The following ANKRD44 variants were observed in gnomAD, a reference collection of about 807,000 sequenced individuals.
ANKRD44 encodes the protein ankyrin repeat domain 44, also known as serine/threonine-protein phosphatase 6 regulatory ankyrin repeat subunit B.
A neutral mutation model predicts 116.0 loss-of-function variants in ANKRD44; 35 were observed. That is an observed-to-expected ratio of 0.30 (90% CI 0.23 to 0.40). The LOEUF (loss-of-function observed/expected upper bound fraction) is 0.40. Among genes scored for constraint, ANKRD44 ranks in the 10% least tolerant of loss-of-function variants. ANKRD44 has a pLI of 1.00. For missense variants in ANKRD44, 1,014 were observed against 1,242.6 expected (o/e 0.82, Z 2.77); for synonymous variants, 435 against 461.8 (o/e 0.94, Z 0.74).
At position 196,988,844 on chromosome 2, in the gene ANKRD44, G is replaced by A. The variant is rs917575804; in HGVS notation, c.*747C>T. The A allele has an allele frequency of 4.1e-6, 4 of 985,410 alleles. No individual in the cohort carries two copies. Among genetic ancestry groups the A allele is most frequent in the Non-Finnish European group, 4.8e-6 (4 of 829,924 alleles). The allele number at this position is 985,410 out of a possible 1,614,324, so 61.0% of individuals were successfully genotyped here. A position where few individuals can be genotyped will look rare whatever the true frequency, so the allele number is the denominator to read the frequency against. On this transcript the variant is annotated 3_prime_UTR_variant, in exon 28 of 28. Transcript: ENST00000282272. ...CCATCATTTCTCATCAGGTTACTGAGACTATGTGAGCTTTTCAGTGTACTT... is the reference window on the plus strand; with the variant it reads ...CCATCATTTCTCATCAGGTTACTGAAACTATGTGAGCTTTTCAGTGTACTT...
At chr2:197,057,082 A>C (rs1559026932) in intron 16 of ANKRD44, among the ~76,000 whole-genome samples, 1 of 152,212 alleles carries the variant, frequency 6.6e-6, no homozygotes, top group South Asian at 2.1e-4. Context: ...TGTTCCTACT[A>C]TAAGGAAAAA....
At chr2:196,990,571 T>C (rs900928045) in intron 27 of ANKRD44, 2 of 1,230,364 alleles carry the variant, frequency 1.6e-6, no homozygotes, top group African/African-American at 1.6e-5. Context: ...TACTAGCTTC[T>C]GGAAGCCCAG....
Position 197,081,745 on chromosome 2 carries a change from GA to G in ANKRD44, c.1458-21del, listed in dbSNP as rs553836103. ...GTCTTACTTCTCAGCATAAAGGATA[GA>G]AAAAAAAATTGCAATTAATTTTTTA... On this transcript the variant is annotated intron_variant, in intron 14 of 27. Coordinates refer to ENST00000282272, the MANE Select transcript of ANKRD44 (RefSeq NM_001195144.2). The G allele has an allele frequency of 1.5e-4, 229 of 1,574,532 alleles. No individual in the cohort carries two copies. The highest frequency in any genetic ancestry group is 8.7e-4 in the Admixed American group (48 of 54,940).
chr2:197,152,189 A>G (rs1037513140), intron 2 of ANKRD44, among the ~76,000 whole-genome samples: 2 of 152,206 alleles, frequency 1.3e-5, no homozygotes, highest in African/African-American at 4.8e-5. Context: ...AGCTAAGTGC[A>G]TTATTTGCAT....
intron 16 of ANKRD44, among the ~76,000 whole-genome samples, chr2:197,038,210 G>A (rs550781085): frequency 6.6e-6 from 1 of 152,266 alleles, no homozygotes; most frequent in Non-Finnish European, 1.5e-5. Context: ...TGTACCCTCT[G>A]GTGGAGGATG....
At chr2:197,086,511 G>C (rs2077927584) in intron 13 of ANKRD44, among the ~76,000 whole-genome samples, 169 bp downstream of exon 13, 1 of 152,046 alleles carries the variant, frequency 6.6e-6, no homozygotes, top group African/African-American at 2.4e-5. Context: ...TTTGTGACTT[G>C]TTATTTGCTT....
chr2:197,224,495 C>G (rs2081655818), intron 1 of ANKRD44, among the ~76,000 whole-genome samples: 1 of 152,096 alleles, frequency 6.6e-6, no homozygotes, highest in African/African-American at 2.4e-5. Flanking sequence ...TAAGATTGTC[C>G]TTGTGTATTT....
At chr2:197,157,674 T>G (rs1365083897) in intron 2 of ANKRD44, among the ~76,000 whole-genome samples, 1 of 21,540 alleles carries the variant, frequency 4.6e-5, no homozygotes, top group Non-Finnish European at 1.2e-4. Flanking sequence ...TGAGACTCTG[T>G]CAAAAAAAAA....
chr2:197,088,950 G>GC, intron 11 of ANKRD44, 176 bp from the exon 12 acceptor site: 1 of 508,792 alleles, frequency 2.0e-6, no homozygotes. Context: ...CTCAAGCTTG[G>GC]CAATTTTATA....
At chr2:197,121,064 G>C (rs759817406) in intron 8 of ANKRD44, among the ~76,000 whole-genome samples, 5 of 151,792 alleles carry the variant, frequency 3.3e-5, no homozygotes, top group Non-Finnish European at 5.9e-5. Context: ...GAGTAGCTGA[G>C]ATTGCAGGCA....
chr2:197,025,566 T>C (rs746285792), intron 16 of ANKRD44, among the ~76,000 whole-genome samples: 5 of 152,124 alleles, frequency 3.3e-5, no homozygotes, highest in Non-Finnish European at 5.9e-5. Flanking sequence ...TTACTGCAGA[T>C]AGTGTGGATA....
chr2:197,283,060 C>CATAGGAAT (rs1450569171), intron 1 of ANKRD44, among the ~76,000 whole-genome samples: 1 of 152,166 alleles, frequency 6.6e-6, no homozygotes. Context: ...AAGAGAACAT[C>CATAGGAAT]ATAGGAATGC....
intron 1 of ANKRD44, among the ~76,000 whole-genome samples, chr2:197,209,847 G>A (rs2081287216): frequency 6.6e-6 from 1 of 152,202 alleles, no homozygotes; most frequent in African/African-American, 2.4e-5. Flanking sequence ...TGTGAGTCAG[G>A]GGAGCAAAGA....
intron 1 of ANKRD44, among the ~76,000 whole-genome samples, chr2:197,298,467 A>G (rs1048613974): frequency 6.6e-6 from 1 of 152,218 alleles, no homozygotes; most frequent in Non-Finnish European, 1.5e-5. Context: ...CAGAAAAATC[A>G]TGTGCTTTTA....
At chr2:197,110,369 A>G (rs1424973195) in intron 9 of ANKRD44, among the ~76,000 whole-genome samples, 2 of 152,174 alleles carry the variant, frequency 1.3e-5, no homozygotes, top group Admixed American at 6.5e-5. Context: ...AACTAGCTTA[A>G]TAAGTTTTAA....
chr2:197,048,423 A>C (rs1055782472), intron 16 of ANKRD44, among the ~76,000 whole-genome samples: 3 of 152,050 alleles, frequency 2.0e-5, no homozygotes, highest in African/African-American at 7.3e-5. Flanking sequence ...CCCACCTATG[A>C]GTGAGAACAT....
rs1012337719 is a variant in ANKRD44 at position 196,988,042 on chromosome 2, G to A, written c.*1549C>T. 9.1e-6 allele frequency: 9 copies of A among 985,322 alleles called. No individual in the cohort carries two copies. The highest frequency in any genetic ancestry group is 5.2e-4 in the Middle Eastern group (1 of 1,914). The allele number at this position is 985,322 out of a possible 1,614,324, so 61.0% of individuals were successfully genotyped here. On this transcript the variant is annotated 3_prime_UTR_variant, in exon 28 of 28. Transcript: ENST00000282272. Reference sequence around the variant, plus strand: ...TTCATTGTGAGCATGATTTCATTTCGTTCCTTTGTCCTCCTTCTATGAGTA... The same window carrying A: ...TTCATTGTGAGCATGATTTCATTTCATTCCTTTGTCCTCCTTCTATGAGTA...
intron 13 of ANKRD44, among the ~76,000 whole-genome samples, chr2:197,084,253 T>G (rs1369793906): frequency 6.6e-6 from 1 of 152,160 alleles, no homozygotes; most frequent in Non-Finnish European, 1.5e-5. Flanking sequence ...TTCTGGATCA[T>G]GTCCCTACAT....
At position 197,251,709 on chromosome 2, in the gene ANKRD44, CA is replaced by C. The variant is rs146714701; in HGVS notation, c.27+58868del. On this transcript the variant is annotated intron_variant, in intron 1 of 27. Transcript: ENST00000282272. ...TGGTGCTGTTGTGATTCACATATTT[CA>C]AAACAAAGTTGGCTTAATTTTATTT... 6.1e-3 allele frequency among the ~76,000 whole-genome samples: 932 copies of C among 152,234 alleles called. 10 individuals carry two copies. Among genetic ancestry groups the C allele is most frequent in the African/African-American group, 0.02 (850 of 41,542 alleles).
Sources: allele counts gnomAD v4.1 joint callset (sites outside exome capture counted in the v4.1 genomes callset), GRCh38; gene constraint gnomAD v4.1.1; transcripts MANE v1.5; gene names NCBI Gene and HGNC (gene_info 2026-07-23, HGNC 2026-07-21).